The following NME9 variants were observed in gnomAD, a reference collection of about 807,000 sequenced individuals.
NME9 encodes NME/NM23 family member 9.
In NME9, 48 loss-of-function variants were observed where a neutral mutation model predicts 44.4. The observed-to-expected ratio is 1.08, with a 90% CI of 0.86 to 1.37. NME9 has a LOEUF of 1.37. Ranked by LOEUF, NME9 falls within the 40% of genes most tolerant of loss-of-function variation. The pLI, the probability that NME9 is intolerant of heterozygous loss-of-function variation, is 0.00. For missense variants in NME9, 325 were observed against 405.2 expected (o/e 0.80, Z 1.70); for synonymous variants, 139 against 147.1 (o/e 0.94, Z 0.40).
intron 8 of NME9, among the ~76,000 whole-genome samples, chr3:138,265,665 G>A (rs1576858346): frequency 6.6e-6 from 1 of 152,206 alleles, no homozygotes; most frequent in Admixed American, 6.5e-5. Context: ...AATAGCATGA[G>A]GAGAAACATT....
intron 8 of NME9, chr3:138,284,287 T>C (rs1024480485): frequency 1.5e-6 from 1 of 650,816 alleles, no homozygotes; most frequent in East Asian, 2.5e-5. Flanking sequence ...AGCAATGATG[T>C]CAGCAGATGA....
chr3:138,314,485 CTA>C, intron 5 of NME9, 78 bp from the exon 6 acceptor site: 3 of 848,250 alleles, frequency 3.5e-6, no homozygotes, highest in African/African-American at 1.7e-5. Context: ...CCTGTAGAAA[CTA>C]AAAAAAGCAA....
chr3:138,285,417 T>C (rs1291625820), intron 8 of NME9, among the ~76,000 whole-genome samples: 3 of 152,144 alleles, frequency 2.0e-5, no homozygotes, highest in Non-Finnish European at 4.4e-5. Context: ...CCCCAACTTA[T>C]CTTATTCCTC....
At chr3:138,292,054 C>T (rs913903530) in intron 8 of NME9, among the ~76,000 whole-genome samples, 6 of 151,174 alleles carry the variant, frequency 4.0e-5, no homozygotes, top group African/African-American at 7.3e-5. Flanking sequence ...TCTTTTCTTT[C>T]GAGATGGAGT....
chr3:138,315,216 TCTC>T (rs2052985074), intron 5 of NME9, among the ~76,000 whole-genome samples: 1 of 152,150 alleles, frequency 6.6e-6, no homozygotes, highest in Non-Finnish European at 1.5e-5. Flanking sequence ...ATAGCTGACT[TCTC>T]CTACCCACCA....
intron 6 of NME9, among the ~76,000 whole-genome samples, chr3:138,311,693 T>C (rs1262247650): frequency 6.6e-6 from 1 of 152,196 alleles, no homozygotes; most frequent in African/African-American, 2.4e-5. Flanking sequence ...TTGAATTCCC[T>C]TTATGATAAA....
Position 138,318,236 on chromosome 3 carries a change from T to A in NME9, c.196-17A>T. The stretch of plus-strand genomic sequence containing the variant: ...TGCCTCTGCCTAAAGAAAGCCACTA[T>A]CAGCAGGTACCCTGGATGCAGGGGG... On this transcript the variant is annotated splice_polypyrimidine_tract_variant and intron_variant, in intron 3 of 10. Coordinates refer to ENST00000333911, the MANE Select transcript of NME9 (RefSeq NM_001349018.2). 1 of 1,580,136 alleles carries A rather than the reference T, an allele frequency of 6.3e-7. No homozygotes were observed. The highest frequency in any genetic ancestry group is 8.7e-7 in the Non-Finnish European group (1 of 1,149,076).
intron 8 of NME9, among the ~76,000 whole-genome samples, chr3:138,283,839 T>C (rs958978970): frequency 6.6e-6 from 1 of 152,196 alleles, no homozygotes; most frequent in Non-Finnish European, 1.5e-5. Context: ...ACTAAGTTGC[T>C]TCATACATTT....
At chr3:138,279,593 C>T (rs2108336037) in intron 8 of NME9, among the ~76,000 whole-genome samples, 1 of 152,158 alleles carries the variant, frequency 6.6e-6, no homozygotes. Context: ...CAATTTTCTG[C>T]AAAAATTTGT....
chr3:138,329,418 A>G lies in NME9; in HGVS notation c.-83T>C. ...CTCGCGACAAACCGCTGCGTGGATC[A>G]GCAAGCCCAGAGCCTCCTTCAGACA... On this transcript the variant is annotated 5_prime_UTR_variant, in exon 1 of 11. Coordinates refer to ENST00000333911, the MANE Select transcript of NME9 (RefSeq NM_001349018.2). The G allele has an allele frequency of 6.5e-7, 1 of 1,533,538 alleles. No homozygotes were observed. The highest frequency in any genetic ancestry group is 8.7e-7 in the Non-Finnish European group (1 of 1,145,672). The allele number at this position is 1,533,538 out of a possible 1,614,324, so 95.0% of individuals were successfully genotyped here. A position where few individuals can be genotyped will look rare whatever the true frequency, so the allele number is the denominator to read the frequency against.
intron 8 of NME9, among the ~76,000 whole-genome samples, chr3:138,292,526 G>A (rs1316289748): frequency 1.3e-5 from 2 of 152,140 alleles, no homozygotes; most frequent in East Asian, 3.8e-4. Flanking sequence ...AAGCACCAAC[G>A]GGACTTACTC....
At chr3:138,283,156 A>G (rs2050103212) in intron 8 of NME9, among the ~76,000 whole-genome samples, 1 of 152,170 alleles carries the variant, frequency 6.6e-6, no homozygotes, top group Admixed American at 6.5e-5. Context: ...CTGGTTTCAC[A>G]CCTCAGGACT....
intron 1 of NME9, chr3:138,327,070 T>C (rs2108470541): frequency 6.8e-6 from 1 of 147,052 alleles, no homozygotes; most frequent in Non-Finnish European, 1.5e-5. Context: ...ACATGAGAAC[T>C]GCTTGAACGT....
chr3:138,278,169 T>C (rs2049490959), intron 8 of NME9, among the ~76,000 whole-genome samples: 1 of 152,310 alleles, frequency 6.6e-6, no homozygotes, highest in East Asian at 1.9e-4. Context: ...GTGATAGAAC[T>C]GCTCTGTAAA....
chr3:138,294,214 G>T, intron 8 of NME9, among the ~76,000 whole-genome samples: 1 of 152,190 alleles, frequency 6.6e-6, no homozygotes, highest in East Asian at 1.9e-4. Flanking sequence ...TATCTCTCAG[G>T]TTCCTTTTGT....
chr3:138,273,128 C>T, intron 8 of NME9: 4 of 1,599,542 alleles, frequency 2.5e-6, no homozygotes, highest in Non-Finnish European at 3.4e-6. Context: ...TAAGTAAAAT[C>T]ACCCAGGCTT....
chr3:138,323,242 C>T (rs1240197139), intron 2 of NME9, among the ~76,000 whole-genome samples: 1 of 152,106 alleles, frequency 6.6e-6, no homozygotes, highest in Non-Finnish European at 1.5e-5. Context: ...ACAGTGAAAC[C>T]CCATCTCTAC....
chr3:138,271,426 A>G (rs962680134), intron 8 of NME9, among the ~76,000 whole-genome samples: 1 of 152,196 alleles, frequency 6.6e-6, no homozygotes, highest in Non-Finnish European at 1.5e-5. Flanking sequence ...ACATATCCAG[A>G]TGTAACTGTT....
chr3:138,285,570 C>T (rs2050328947), intron 8 of NME9, among the ~76,000 whole-genome samples: 1 of 152,180 alleles, frequency 6.6e-6, no homozygotes, highest in African/African-American at 2.4e-5. Context: ...CTCAGCTGAA[C>T]TTATACTTTC....
Sources: gnomAD v4.1 joint callset for allele counts (sites outside exome capture counted in the v4.1 genomes callset) on GRCh38, gnomAD v4.1.1 for gene constraint, MANE v1.5 for transcripts, NCBI Gene and HGNC (gene_info 2026-07-23, HGNC 2026-07-21) for gene names.